SGCD: variants seen among roughly 807,000 people sequenced by gnomAD.
The protein encoded by SGCD is delta-sarcoglycan.
A neutral mutation model predicts 36.6 loss-of-function variants in SGCD; 18 were observed. That is an observed-to-expected ratio of 0.49 (90% confidence interval 0.34 to 0.73). The LOEUF is 0.73. Ranked by LOEUF, SGCD falls within the 30% of genes least tolerant of loss-of-function variation. The probability of loss-of-function intolerance (pLI) is 0.01; values close to 1 mark genes in which losing one functional copy is unlikely to be tolerated. For synonymous variants in SGCD, 133 were observed against 130.6 expected (o/e 1.02, Z -0.12); for missense variants, 387 against 346.7 (o/e 1.12, Z -0.92).
chr5:156,717,978 T>G (rs1394722052), intron 7 of SGCD, among the ~76,000 whole-genome samples: 1 of 152,126 alleles, frequency 6.6e-6, no homozygotes, highest in Non-Finnish European at 1.5e-5. Flanking sequence ...ATCCTGACAG[T>G]ACTTTCTATG....
At chr5:156,052,474 T>C (rs1397868458) in intron 1 of SGCD, among the ~76,000 whole-genome samples, 1 of 146,228 alleles carries the variant, frequency 6.8e-6, no homozygotes, top group Non-Finnish European at 1.5e-5. Flanking sequence ...TTATAAAAGA[T>C]TACTCTGGGT....
At chr5:156,467,274 A>G (rs115841073) in intron 3 of SGCD, among the ~76,000 whole-genome samples, 3,076 of 152,318 alleles carry the variant, frequency 0.02, 86 homozygotes, top group African/African-American at 0.064. Context: ...TTAATTATCT[A>G]TAAAATATCC....
chr5:156,105,666 A>G (rs922245033), intron 1 of SGCD, among the ~76,000 whole-genome samples: 2 of 152,186 alleles, frequency 1.3e-5, no homozygotes, highest in Admixed American at 6.5e-5. Flanking sequence ...AGGACGTGTA[A>G]TCAAGTAAAT....
intron 3 of SGCD, among the ~76,000 whole-genome samples, chr5:156,369,453 A>C (rs913534138): frequency 4.6e-5 from 7 of 152,180 alleles, no homozygotes; most frequent in African/African-American, 1.7e-4. Context: ...GTTATAGACT[A>C]ATAGTTGGCC....
intron 4 of SGCD, among the ~76,000 whole-genome samples, chr5:156,577,357 C>A (rs913004272): frequency 3.3e-5 from 5 of 152,160 alleles, no homozygotes; most frequent in African/African-American, 7.2e-5. Flanking sequence ...AAAGTGATTC[C>A]TCCAGCTTTG....
intron 7 of SGCD, among the ~76,000 whole-genome samples, chr5:156,751,594 A>C (rs1561896475): frequency 6.6e-6 from 1 of 152,236 alleles, no homozygotes; most frequent in African/African-American, 2.4e-5. Context: ...AAAGTATTCC[A>C]CAAATCACAC....
chr5:155,873,591 G>A (rs560708585), intron 1 of SGCD, among the ~76,000 whole-genome samples: 18 of 152,276 alleles, frequency 1.2e-4, no homozygotes, highest in African/African-American at 4.1e-4. Context: ...CACTATTCAG[G>A]TGATGGCTGC....
chr5:155,772,925 A>G, the SGCD span, among the ~76,000 whole-genome samples: 1 of 152,302 alleles, frequency 6.6e-6, no homozygotes, highest in East Asian at 1.9e-4. Flanking sequence ...CAGTTGATTT[A>G]TAAACCAAAG....
chr5:156,098,599 G>GTATATA (rs72288706), intron 1 of SGCD, among the ~76,000 whole-genome samples: 1 of 147,460 alleles, frequency 6.8e-6, no homozygotes, highest in Admixed American at 6.9e-5. Flanking sequence ...GTGTGTATGT[G>GTATATA]TATATATATA....
chr5:156,582,523 C>T (rs1405259473), intron 4 of SGCD, among the ~76,000 whole-genome samples: 1 of 152,184 alleles, frequency 6.6e-6, no homozygotes, highest in South Asian at 2.1e-4. Flanking sequence ...CCAGGTTACA[C>T]TCCGTTGCTT....
chr5:156,230,822 T>C (rs1478869354), intron 3 of SGCD, among the ~76,000 whole-genome samples: 1 of 152,160 alleles, frequency 6.6e-6, no homozygotes, highest in African/African-American at 2.4e-5. Flanking sequence ...GCTGAACATA[T>C]AGTAAATGCT....
intron 1 of SGCD, among the ~76,000 whole-genome samples, chr5:156,023,070 C>A (rs1044155363): frequency 6.6e-6 from 1 of 152,188 alleles, no homozygotes; most frequent in Non-Finnish European, 1.5e-5. Context: ...CTCCATGACC[C>A]ACACAGTGAT....
rs147189632 is a variant in SGCD at position 156,316,912 on chromosome 5, G to C, written c.-43-12622G>C. 4.7e-3 allele frequency among the ~76,000 whole-genome samples: 710 copies of C among 152,192 alleles called. 3 individuals carry two copies. Among genetic ancestry groups the C allele is most frequent in the African/African-American group, 0.016 (674 of 41,568 alleles). On this transcript the variant is annotated intron_variant, in intron 3 of 9. Transcript: ENST00000517913. ...GAGGCCTGGATTCAATTAGTTTTAA[G>C]AGAGGATCCATTGAAGAATTGTTAT...
At chr5:156,477,228 G>A (rs922478943) in intron 3 of SGCD, among the ~76,000 whole-genome samples, 1 of 152,088 alleles carries the variant, frequency 6.6e-6, no homozygotes, top group African/African-American at 2.4e-5. Flanking sequence ...TATTTGTTTA[G>A]ATATGTATGT....
chr5:156,012,614 A>ATT (rs56739452), intron 1 of SGCD, among the ~76,000 whole-genome samples: 6 of 138,622 alleles, frequency 4.3e-5, no homozygotes, highest in African/African-American at 1.6e-4. Context: ...CACAGAGATA[A>ATT]TTTTTTTTTT....
chr5:155,906,103 A>G lies in SGCD; in HGVS notation c.-282+35679A>G, dbSNP rs1561645491. ...TCCTTCAAACTTTTTCATTATTATT[A>G]TATCTGATATAATGATCTGTAATCA... is the stretch of plus-strand genomic sequence containing the variant. On this transcript the variant is annotated intron_variant, in intron 1 of 9. Transcript: ENST00000517913. 2.6e-5 allele frequency among the ~76,000 whole-genome samples: 4 copies of G among 152,222 alleles called. No individual in the cohort carries two copies. The South Asian group carries it at 8.3e-4, about 32-fold the overall frequency.
chr5:156,230,545 C>A (rs1764989933), intron 3 of SGCD, among the ~76,000 whole-genome samples: 1 of 152,156 alleles, frequency 6.6e-6, no homozygotes, highest in South Asian at 2.1e-4. Flanking sequence ...GGTCTCTCAG[C>A]TGTGGATACC....
intron 1 of SGCD, among the ~76,000 whole-genome samples, chr5:155,940,854 AAAC>A (rs143386038): frequency 0.1 from 11,515 of 112,872 alleles, 497 homozygotes; most frequent in South Asian, 0.21. Flanking sequence ...CAAAACAAAC[AAAC>A]AACAACAACA....
At chr5:156,668,478 A>G (rs908762146) in intron 7 of SGCD, among the ~76,000 whole-genome samples, 3 of 152,188 alleles carry the variant, frequency 2.0e-5, no homozygotes, top group Non-Finnish European at 4.4e-5. Context: ...AATGGAGCAA[A>G]ATAACAGTGA....
Sources: gnomAD v4.1 joint callset for allele counts (sites outside exome capture counted in the v4.1 genomes callset) on GRCh38, gnomAD v4.1.1 for gene constraint, MANE v1.5 for transcripts, NCBI Gene and HGNC (gene_info 2026-07-23, HGNC 2026-07-21) for gene names.